Variants in PTBP3 observed in about 807,000 individuals in gnomAD.
PTBP3 encodes the protein polypyrimidine tract-binding protein 3.
Under a neutral mutation model 58.7 loss-of-function variants are expected in PTBP3, and 20 were observed. That is an observed-to-expected ratio of 0.34 (90% CI 0.24 to 0.50). PTBP3 has a LOEUF of 0.50. PTBP3 is among the 20% of genes least tolerant of loss of function. PTBP3 has a pLI of 0.98. For synonymous variants in PTBP3, 185 were observed against 219.8 expected (o/e 0.84, Z 1.40); for missense variants, 509 against 637.2 (o/e 0.80, Z 2.17).
At chr9:112,262,679 G>T in intron 4 of PTBP3, 80 bp from the exon 5 acceptor site, 2 of 1,293,078 alleles carry the variant, frequency 1.5e-6, no homozygotes, top group Non-Finnish European at 2.0e-6. Flanking sequence ...ACATAAAACA[G>T]TATGAAGCAA....
the PTBP3 span, among the ~76,000 whole-genome samples, chr9:112,367,190 A>C: frequency 2.6e-5 from 4 of 152,228 alleles, no homozygotes; most frequent in African/African-American, 9.6e-5. Flanking sequence ...TGACCAAATT[A>C]TTATAGCTAT....
chr9:112,334,915 T>C (rs1190941524), upstream of PTBP3, among the ~76,000 whole-genome samples: 1 of 152,244 alleles, frequency 6.6e-6, no homozygotes, highest in African/African-American at 2.4e-5. Flanking sequence ...TAAAGTCCTG[T>C]ATCTAACCTC....
At chr9:112,364,624 C>A in the PTBP3 span, among the ~76,000 whole-genome samples, 2 of 152,222 alleles carry the variant, frequency 1.3e-5, 1 homozygote, top group South Asian at 4.1e-4. Context: ...CAGGGCAAGA[C>A]CCTGTCTCTA....
chr9:112,252,872 C>A (rs1219025648), intron 5 of PTBP3, 84 bp from the exon 6 acceptor site: 3 of 827,030 alleles, frequency 3.6e-6, no homozygotes, highest in African/African-American at 3.5e-5. Flanking sequence ...GTTCATAAAT[C>A]CTTTTAAATG....
At chr9:112,308,460 G>T (rs1326248140) in intron 1 of PTBP3, among the ~76,000 whole-genome samples, 1 of 150,246 alleles carries the variant, frequency 6.7e-6, no homozygotes, top group Non-Finnish European at 1.5e-5. Flanking sequence ...AATATAAAAT[G>T]AAAAGGATTT....
Position 112,218,624 on chromosome 9 carries a change from A to G in PTBP3, c.*5227T>C, listed in dbSNP as rs980964577. On this transcript the variant is annotated 3_prime_UTR_variant, in exon 14 of 14. Coordinates refer to ENST00000374257, the MANE Select transcript of PTBP3 (RefSeq NM_001163788.4). The stretch of plus-strand genomic sequence containing the variant: ...ACGCATTTAGAAAATATGTTTTTTA[A>G]TATTTTATCTTCTCTTTGCATTTAT... 1 of 152,668 alleles carries G rather than the reference A, an allele frequency of 6.6e-6. No homozygotes were observed. The highest frequency in any genetic ancestry group is 1.5e-5 in the Non-Finnish European group (1 of 68,046). The allele number at this position is 152,668 out of a possible 1,614,324, so 9.5% of individuals were successfully genotyped here.
intron 8 of PTBP3, among the ~76,000 whole-genome samples, chr9:112,233,464 T>C (rs1404683477): frequency 2.0e-5 from 3 of 152,164 alleles, no homozygotes; most frequent in Non-Finnish European, 4.4e-5. Context: ...TGTCCACCAA[T>C]TGTTAAACCT....
rs1276236852 is a variant in PTBP3, at chr9:112,220,270, T to C, written c.*3581A>G. The C allele has an allele frequency of 7.5e-7, 1 of 1,334,018 alleles. No individual in the cohort carries two copies. Among genetic ancestry groups the C allele is most frequent in the Admixed American group, 2.0e-5 (1 of 49,642 alleles). 82.6% of individuals were successfully genotyped at this position (1,334,018 alleles called of 1,614,324 possible). On this transcript the variant is annotated 3_prime_UTR_variant, in exon 14 of 14. Coordinates refer to ENST00000374257, the MANE Select transcript of PTBP3 (RefSeq NM_001163788.4). The stretch of plus-strand genomic sequence containing the variant: ...CTGCTGACTGATGGCACGGAGACAC[T>C]GAAAAGAACAGAGAGCCAGGCGTGG...
chr9:112,294,938 T>C (rs1828602861), intron 2 of PTBP3, among the ~76,000 whole-genome samples: 1 of 152,162 alleles, frequency 6.6e-6, no homozygotes, highest in African/African-American at 2.4e-5. Flanking sequence ...ATAACAATAT[T>C]TGAAGTAATA....
At chr9:112,341,284 A>T in the PTBP3 span, among the ~76,000 whole-genome samples, 1 of 152,044 alleles carries the variant, frequency 6.6e-6, no homozygotes, top group African/African-American at 2.4e-5. Context: ...GGTGCACACC[A>T]CCATGCCTGG....
intron 7 of PTBP3, among the ~76,000 whole-genome samples, chr9:112,244,422 C>T (rs1327141163): frequency 6.6e-6 from 1 of 151,756 alleles, no homozygotes; most frequent in Non-Finnish European, 1.5e-5. Context: ...GCTGGTAATC[C>T]TAGTGCTTTG....
intron 7 of PTBP3, among the ~76,000 whole-genome samples, chr9:112,248,734 G>C (rs1278895308): frequency 6.6e-6 from 1 of 152,148 alleles, no homozygotes; most frequent in African/African-American, 2.4e-5. Context: ...ATTATGTAAT[G>C]AAACTGAAGA....
intron 2 of PTBP3, among the ~76,000 whole-genome samples, chr9:112,284,053 A>G (rs1827995783): frequency 6.6e-6 from 1 of 152,244 alleles, no homozygotes; most frequent in African/African-American, 2.4e-5. Flanking sequence ...ATTCTGCTGC[A>G]GGGGTGGAGC....
intron 7 of PTBP3, among the ~76,000 whole-genome samples, chr9:112,241,887 C>CT (rs1324795195): frequency 6.6e-6 from 1 of 152,166 alleles, no homozygotes; most frequent in African/African-American, 2.4e-5. Context: ...GAAATATATA[C>CT]AAACAGAATT....
intron 1 of PTBP3, among the ~76,000 whole-genome samples, chr9:112,308,773 G>A (rs1212072539): frequency 6.6e-6 from 1 of 152,100 alleles, no homozygotes; most frequent in East Asian, 1.9e-4. Context: ...TGTTTCTAAG[G>A]AGACTGTCCT....
At position 112,223,186 on chromosome 9, in the gene PTBP3, A is replaced by AT. The variant is rs1834861190; in HGVS notation, c.*664dup. 1.1e-6 allele frequency: 1 copy of AT among 922,152 alleles called. No individual in the cohort carries two copies. Among genetic ancestry groups the AT allele is most frequent in the Non-Finnish European group, 1.3e-6 (1 of 772,112 alleles). 57.1% of individuals were successfully genotyped at this position (922,152 alleles called of 1,614,324 possible). On this transcript the variant is annotated 3_prime_UTR_variant, in exon 14 of 14. Transcript: ENST00000374257. The stretch of plus-strand genomic sequence containing the variant: ...TCCCTGGGGACAGCTGAGACACTGC[A>AT]TTTTTCCAAATAGTCTTAAAAAGTT...
At chr9:112,304,223 G>A (rs987641872) in intron 1 of PTBP3, among the ~76,000 whole-genome samples, 3 of 151,856 alleles carry the variant, frequency 2.0e-5, no homozygotes, top group African/African-American at 7.3e-5. Flanking sequence ...GTACAGAATT[G>A]TATGGGACAT....
chr9:112,280,390 C>T (rs1369695794), intron 2 of PTBP3, among the ~76,000 whole-genome samples: 1 of 151,976 alleles, frequency 6.6e-6, no homozygotes, highest in Non-Finnish European at 1.5e-5. Flanking sequence ...TACAGCTTTA[C>T]TGAACTAGCC....
At chr9:112,322,017 C>T (rs10981356) in intron 1 of PTBP3, among the ~76,000 whole-genome samples, 1 of 151,300 alleles carries the variant, frequency 6.6e-6, no homozygotes, top group African/African-American at 2.4e-5. Flanking sequence ...TACCTGTAGT[C>T]TCAGCTACTT....
Sources: gnomAD v4.1 joint callset for allele counts (sites outside exome capture counted in the v4.1 genomes callset) on GRCh38, gnomAD v4.1.1 for gene constraint, MANE v1.5 for transcripts, NCBI Gene and HGNC (gene_info 2026-07-23, HGNC 2026-07-21) for gene names.